MORF4L2: variants seen among roughly 807,000 people sequenced by gnomAD.
MORF4L2 encodes mortality factor 4 like 2, also known as mortality factor 4-like protein 2.
A neutral mutation model predicts 12.0 loss-of-function variants in MORF4L2; 1 was observed. The observed-to-expected ratio is 0.08, with a 90% confidence interval of 0.03 to 0.40. The LOEUF (loss-of-function observed/expected upper bound fraction) is 0.40, where lower values mean the gene tolerates loss of function less well. Among genes scored for constraint, MORF4L2 ranks in the 10% least tolerant of loss-of-function variants. MORF4L2 has a pLI of 0.98. For missense variants in MORF4L2, 123 were observed against 214.0 expected (o/e 0.57, Z 2.65); for synonymous variants, 69 against 81.6 (o/e 0.85, Z 0.83).
intron 2 of MORF4L2, among the ~76,000 whole-genome samples, chrX:103,679,427 G>A (rs1037236328): frequency 8.3e-5 from 9 of 108,483 alleles, no homozygotes; most frequent in African/African-American, 3.0e-4. Context: ...ACTGAGGCAG[G>A]AGAATCGCTT....
intron 2 of MORF4L2, among the ~76,000 whole-genome samples, chrX:103,682,792 C>T (rs763830141): frequency 1.8e-5 from 2 of 112,198 alleles, no homozygotes; most frequent in South Asian, 7.3e-4. Flanking sequence ...GTGCATACAT[C>T]TCTCAATATC....
intron 1 of MORF4L2, among the ~76,000 whole-genome samples, chrX:103,685,710 G>A (rs2074085776): frequency 9.4e-6 from 1 of 106,476 alleles, no homozygotes; most frequent in Non-Finnish European, 1.9e-5. Context: ...ATTAATATAC[G>A]CAACCCACTG....
intron 2 of MORF4L2, among the ~76,000 whole-genome samples, chrX:103,679,325 G>A (rs1376984186): frequency 2.3e-5 from 2 of 86,473 alleles, no homozygotes; most frequent in African/African-American, 9.0e-5. Context: ...CCAACGTAGT[G>A]AAACCCTGTC....
intron 2 of MORF4L2, among the ~76,000 whole-genome samples, chrX:103,679,450 C>G (rs1479706223): frequency 1.9e-5 from 2 of 107,783 alleles, no homozygotes; most frequent in African/African-American, 6.8e-5. Flanking sequence ...ACCCGAGAGG[C>G]AGAGGTTGCA....
At chrX:103,683,068 ATTATT>A (rs1451722497) in intron 2 of MORF4L2, among the ~76,000 whole-genome samples, 1 of 109,475 alleles carries the variant, frequency 9.1e-6, no homozygotes, top group East Asian at 2.8e-4. Context: ...ATGATTTTTG[ATTATT>A]TAACTTTTTT....
chrX:103,679,924 G>A (rs1268148863), intron 2 of MORF4L2, among the ~76,000 whole-genome samples: 7 of 106,753 alleles, frequency 6.6e-5, no homozygotes, highest in Non-Finnish European at 9.7e-5. Flanking sequence ...GGTGGCTCAC[G>A]CCTGTAATCC....
At position 103,676,080 on chromosome X, in the gene MORF4L2, A is replaced by T; in HGVS notation, c.*81T>A. 1.0e-6 allele frequency: 1 copy of T among 982,519 alleles called. No individual in the cohort carries two copies. Among genetic ancestry groups the T allele is most frequent in the Non-Finnish European group, 1.4e-6 (1 of 721,711 alleles). 81.0% of individuals were successfully genotyped at this position (982,519 alleles called of 1,213,427 possible). On this transcript the variant is annotated 3_prime_UTR_variant, in exon 4 of 4. Transcript: ENST00000441076. ...TGTTATACATTAACGATTTTAAAGA[A>T]CATCAATTTTACAAGAAAAAGACTA... is the stretch of plus-strand genomic sequence containing the variant.
intron 2 of MORF4L2, 147 bp downstream of exon 2, chrX:103,685,024 A>G (rs1464150303): frequency 8.9e-6 from 1 of 112,542 alleles, no homozygotes; most frequent in South Asian, 3.6e-4. Context: ...GGAACTATCA[A>G]TGGACTTAGC....
chrX:103,681,381 T>C (rs60579802), intron 2 of MORF4L2, among the ~76,000 whole-genome samples: 1,166 of 111,823 alleles, frequency 0.01, 17 homozygotes, highest in African/African-American at 0.036. Flanking sequence ...ACCAATAATC[T>C]TCCCATGTTA....
chrX:103,679,263 C>T (rs778555698), intron 2 of MORF4L2, among the ~76,000 whole-genome samples: 4 of 104,967 alleles, frequency 3.8e-5, no homozygotes, highest in East Asian at 3.0e-4. Context: ...CCCAGCACTT[C>T]GGGAGGCCAA....
Position 103,676,492 on chromosome X carries a change from A to T in MORF4L2, c.536T>A (p.Val179Asp). ...TTTTATTCCTGCCACAACTTCATTA[A>T]CCGCATATTCCTTATTATCAACATT... is the stretch of plus-strand genomic sequence containing the variant. The part of the protein sequence containing the change: ...QGNVDNKEYA[V>D]NEVVAGIKEY... The change falls in exon 4 of 4, where the codon GTT becomes GAT. Residue 179 changes from valine (V) to aspartate (D), a missense_variant. Val to Asp is a radical substitution (Grantham distance 152, BLOSUM62 -3). Transcript: ENST00000441076. 1 of 1,210,928 alleles carries T rather than the reference A, an allele frequency of 8.3e-7. No individual in the cohort carries two copies. Among genetic ancestry groups the T allele is most frequent in the Non-Finnish European group, 1.1e-6 (1 of 895,248 alleles).
chrX:103,679,860 CAA>C (rs1157909391), intron 2 of MORF4L2, among the ~76,000 whole-genome samples: 20 of 47,711 alleles, frequency 4.2e-4, no homozygotes, highest in African/African-American at 1.7e-3. Context: ...CACCTGTGGG[CAA>C]AAAAAAAAAA....
intron 2 of MORF4L2, among the ~76,000 whole-genome samples, chrX:103,680,370 AG>A (rs1246757956): frequency 2.7e-5 from 3 of 112,621 alleles, no homozygotes; most frequent in Non-Finnish European, 5.6e-5. Flanking sequence ...GTCTTCAGAA[AG>A]CATCAAAATT....
At chrX:103,685,036 C>G (rs1463020644) in intron 2 of MORF4L2, 135 bp downstream of exon 2, 2 of 112,370 alleles carry the variant, frequency 1.8e-5, no homozygotes, top group African/African-American at 6.5e-5. Context: ...GGACTTAGCT[C>G]CACCCTTCCC....
upstream of MORF4L2, chrX:103,687,145 T>G (rs2074132070): frequency 9.4e-6 from 1 of 106,643 alleles, no homozygotes; most frequent in African/African-American, 3.5e-5. Flanking sequence ...GGGTTTGTGG[T>G]TTTTTTCCCC....
At chrX:103,680,282 T>C (rs2147679376) in intron 2 of MORF4L2, among the ~76,000 whole-genome samples, 1 of 113,059 alleles carries the variant, frequency 8.8e-6, no homozygotes, top group Non-Finnish European at 1.9e-5. Flanking sequence ...GCCTGGATGC[T>C]AGTACTTTCA....
chrX:103,683,112 G>A (rs1445549967), intron 2 of MORF4L2, among the ~76,000 whole-genome samples: 9 of 108,337 alleles, frequency 8.3e-5, no homozygotes, highest in Non-Finnish European at 1.1e-4. Flanking sequence ...ACGGAGTCTC[G>A]CTGTCACCTA....
chrX:103,679,860 C>G (rs58176776), intron 2 of MORF4L2, among the ~76,000 whole-genome samples: 15 of 47,712 alleles, frequency 3.1e-4, no homozygotes, highest in South Asian at 2.1e-3. Flanking sequence ...CACCTGTGGG[C>G]AAAAAAAAAA....
rs1254836792 is a variant in MORF4L2 at position 103,676,626 on chromosome X, A to T, written c.402T>A (p.Val134=). The change falls in exon 4 of 4, where the codon GTT becomes GTA. Residue 134 remains valine, a synonymous_variant. Coordinates refer to ENST00000441076, the MANE Select transcript of MORF4L2 (RefSeq NM_012286.3). ...GCCTGGTAACTAAGTCCCAGTCCTC[A>T]ACAAGCCATGGTTTTAATTCTTCAG... ...KIPEELKPWL[V]EDWDLVTRQK... is the part of the protein sequence containing the mutation. The T allele has an allele frequency of 1.7e-6, 2 of 1,210,782 alleles. No individual in the cohort carries two copies. The highest frequency in any genetic ancestry group is 4.4e-5 in the Admixed American group (2 of 45,867).
Sources: allele counts gnomAD v4.1 joint callset (sites outside exome capture counted in the v4.1 genomes callset), GRCh38; gene constraint gnomAD v4.1.1; transcripts MANE v1.5; gene names NCBI Gene and HGNC (gene_info 2026-07-23, HGNC 2026-07-21).